The following PARVA variants were observed in gnomAD, a reference collection of about 807,000 sequenced individuals.
PARVA encodes parvin alpha.
In PARVA, 25 loss-of-function variants were observed where a neutral mutation model predicts 52.6. That is an observed-to-expected ratio of 0.48 (90% CI 0.35 to 0.66). The LOEUF is 0.66. Ranked by LOEUF, PARVA falls within the 30% of genes least tolerant of loss-of-function variation. The pLI is 0.01. For synonymous variants in PARVA, 185 were observed against 179.1 expected, an observed-to-expected ratio of 1.03 and a Z score of -0.26; for missense variants, 373 against 450.9, an observed-to-expected ratio of 0.83 and a Z score of 1.56.
At chr11:12,402,873 T>C (rs1360962586) in intron 1 of PARVA, among the ~76,000 whole-genome samples, 1 of 152,142 alleles carries the variant, frequency 6.6e-6, no homozygotes, top group Non-Finnish European at 1.5e-5. Context: ...AGTGGTTGAG[T>C]CTCCATTCTG....
chr11:12,451,815 C>T (rs2135014840), intron 1 of PARVA, among the ~76,000 whole-genome samples: 1 of 152,252 alleles, frequency 6.6e-6, no homozygotes, highest in Middle Eastern at 3.4e-3. Flanking sequence ...AGAATGTTAG[C>T]TAAATTTGCA....
chr11:12,474,967 A>AT (rs1317451160), intron 3 of PARVA, among the ~76,000 whole-genome samples: 2 of 151,738 alleles, frequency 1.3e-5, no homozygotes, highest in Non-Finnish European at 2.9e-5. Flanking sequence ...AAAAAAAAAA[A>AT]TAGCACTGGA....
Position 12,513,290 on chromosome 11 carries a change from C to CT in PARVA, c.737-4dup, listed in dbSNP as rs1293551385. 1 of 1,613,290 alleles carries CT rather than the reference C, an allele frequency of 6.2e-7. No individual in the cohort carries two copies. On this transcript the variant is annotated splice_polypyrimidine_tract_variant and intron_variant, in intron 8 of 12. Transcript: ENST00000334956. ...CTTGTGCTCCACATTGTGTTTCCCT[C>CT]TTTTTCAGAACGTGATGCCTTTGAC...
At chr11:12,419,524 G>A (rs1940117515) in intron 1 of PARVA, among the ~76,000 whole-genome samples, 2 of 152,056 alleles carry the variant, frequency 1.3e-5, no homozygotes, top group African/African-American at 4.8e-5. Context: ...ATCCATTGTC[G>A]GACACTTGAG....
rs1941755256 is a variant in PARVA, at chr11:12,530,220, T to A, written c.*2295T>A. The stretch of plus-strand genomic sequence containing the variant: ...AAATTGTGTTTTGGGATTGAGTTCT[T>A]TGTCTCAGCCCAGAATCCCAGGTCC... On this transcript the variant is annotated 3_prime_UTR_variant, in exon 13 of 13. Coordinates refer to ENST00000334956, the MANE Select transcript of PARVA (RefSeq NM_018222.5). The A allele has an allele frequency of 6.6e-6, 1 of 152,210 alleles. No individual in the cohort carries two copies. The highest frequency in any genetic ancestry group is 1.5e-5 in the Non-Finnish European group (1 of 68,034). The allele number at this position is 152,210 out of a possible 1,614,324, so 9.4% of individuals were successfully genotyped here. A position where few individuals can be genotyped will look rare whatever the true frequency, so the allele number is the denominator to read the frequency against.
intron 4 of PARVA, among the ~76,000 whole-genome samples, chr11:12,485,411 CTGGG>C (rs1941144967): frequency 6.6e-6 from 1 of 152,030 alleles, no homozygotes; most frequent in Non-Finnish European, 1.5e-5. Flanking sequence ...AATTTTAGAC[CTGGG>C]GCAGGGAATG....
intron 1 of PARVA, among the ~76,000 whole-genome samples, chr11:12,472,295 G>A (rs1158970779): frequency 6.6e-6 from 1 of 152,198 alleles, no homozygotes; most frequent in Non-Finnish European, 1.5e-5. Flanking sequence ...TGCATTCAAA[G>A]CCATCCTGGA....
chr11:12,482,357 T>G (rs1941099631), intron 4 of PARVA, among the ~76,000 whole-genome samples: 2 of 151,912 alleles, frequency 1.3e-5, no homozygotes, highest in Non-Finnish European at 2.9e-5. Flanking sequence ...CCGGGTGTGG[T>G]GGCTCACGCC....
At chr11:12,518,745 G>A (rs2059610) in intron 12 of PARVA, among the ~76,000 whole-genome samples, 202 of 152,310 alleles carry the variant, frequency 1.3e-3, no homozygotes, top group African/African-American at 4.7e-3. Flanking sequence ...GGGATCGCGG[G>A]GATCAGGGAC....
intron 4 of PARVA, among the ~76,000 whole-genome samples, chr11:12,495,964 AATTG>A (rs1941293219): frequency 6.6e-6 from 1 of 152,220 alleles, no homozygotes; most frequent in Non-Finnish European, 1.5e-5. Context: ...TGTGCCTTAG[AATTG>A]ATTAAATATG....
At chr11:12,402,738 A>T (rs933944264) in intron 1 of PARVA, among the ~76,000 whole-genome samples, 2 of 152,144 alleles carry the variant, frequency 1.3e-5, no homozygotes, top group African/African-American at 4.8e-5. Context: ...TTTCAAAGAG[A>T]TGTTGACATG....
At chr11:12,495,887 C>T (rs1229477725) in intron 4 of PARVA, among the ~76,000 whole-genome samples, 2 of 152,172 alleles carry the variant, frequency 1.3e-5, no homozygotes, top group Non-Finnish European at 2.9e-5. Context: ...TTCCACCTAG[C>T]TGGCAGCCAT....
chr11:12,519,605 A>G (rs1941612366), intron 12 of PARVA, among the ~76,000 whole-genome samples: 1 of 152,202 alleles, frequency 6.6e-6, no homozygotes, highest in African/African-American at 2.4e-5. Flanking sequence ...GGGCTCAACC[A>G]TAAGGACCAG....
intron 1 of PARVA, among the ~76,000 whole-genome samples, chr11:12,437,279 C>G (rs915392236): frequency 1.3e-5 from 2 of 152,188 alleles, no homozygotes; most frequent in African/African-American, 4.8e-5. Context: ...GAAGGATATC[C>G]TCTCCCTGCC....
intron 1 of PARVA, among the ~76,000 whole-genome samples, chr11:12,460,791 A>G (rs1303012043): frequency 6.6e-6 from 1 of 152,232 alleles, no homozygotes; most frequent in Admixed American, 6.5e-5. Flanking sequence ...TCAAAGAGCC[A>G]CAGAGAATGA....
chr11:12,419,140 T>G (rs1024276113), intron 1 of PARVA, among the ~76,000 whole-genome samples: 3 of 152,222 alleles, frequency 2.0e-5, no homozygotes, highest in African/African-American at 7.2e-5. Context: ...AAAATACATA[T>G]AACTTAAATT....
chr11:12,414,126 A>C (rs1163560381), intron 1 of PARVA, among the ~76,000 whole-genome samples: 1 of 152,180 alleles, frequency 6.6e-6, no homozygotes, highest in African/African-American at 2.4e-5. Flanking sequence ...AGAACTATTA[A>C]TTATTTTTCT....
At chr11:12,422,257 T>G (rs1940160654) in intron 1 of PARVA, among the ~76,000 whole-genome samples, 1 of 152,250 alleles carries the variant, frequency 6.6e-6, no homozygotes, top group Non-Finnish European at 1.5e-5. Context: ...ACAGATTCCA[T>G]TTTACTTCTT....
chr11:12,443,063 G>A (rs1420543222), intron 1 of PARVA, among the ~76,000 whole-genome samples: 5 of 151,332 alleles, frequency 3.3e-5, no homozygotes, highest in East Asian at 2.0e-4. Context: ...GGGTTTCACC[G>A]TGTTAGCCAG....
Sources: gnomAD v4.1 joint callset for allele counts (sites outside exome capture counted in the v4.1 genomes callset) on GRCh38, gnomAD v4.1.1 for gene constraint, MANE v1.5 for transcripts, NCBI Gene and HGNC (gene_info 2026-07-23, HGNC 2026-07-21) for gene names.